The following TPP2 variants were observed in gnomAD, a reference collection of about 807,000 sequenced individuals.
The protein encoded by TPP2 is tripeptidyl-peptidase 2.
A neutral mutation model predicts 155.9 loss-of-function variants in TPP2; 34 were observed. That is an observed-to-expected ratio of 0.22 (90% CI 0.17 to 0.29). The LOEUF (loss-of-function observed/expected upper bound fraction) is 0.29, where lower values mean the gene tolerates loss of function less well. Ranked by LOEUF, TPP2 falls within the 10% of genes least tolerant of loss-of-function variation. TPP2 has a pLI of 1.00. For synonymous variants in TPP2, 510 were observed against 529.4 expected (o/e 0.96, Z 0.50); for missense variants, 1,028 against 1,522.3 (o/e 0.68, Z 5.40).
chr13:102,610,068 G>A (rs1338946807), intron 2 of TPP2, among the ~76,000 whole-genome samples: 1 of 152,090 alleles, frequency 6.6e-6, no homozygotes, highest in African/African-American at 2.4e-5. Context: ...ATGTGCAGGT[G>A]TTTAGATATT....
intron 26 of TPP2, among the ~76,000 whole-genome samples, chr13:102,664,508 A>G (rs1884459843): frequency 6.6e-6 from 1 of 152,146 alleles, no homozygotes; most frequent in African/African-American, 2.4e-5. Context: ...TAAAAAAAAA[A>G]CTTTACATTT....
At chr13:102,614,590 A>G (rs1482660842) in intron 3 of TPP2, among the ~76,000 whole-genome samples, 1 of 152,158 alleles carries the variant, frequency 6.6e-6, no homozygotes, top group Non-Finnish European at 1.5e-5. Flanking sequence ...TTCTGTGATA[A>G]TGTCCCTCCC....
rs143364416 is a variant in TPP2, at chr13:102,614,562, C to T, written c.390+366C>T. Among the ~76,000 whole-genome samples, 75 of 152,254 alleles carry T rather than the reference C, an allele frequency of 4.9e-4. 1 individual carries two copies. The East Asian group carries it at 0.011, about 23-fold the overall frequency. On this transcript the variant is annotated intron_variant, in intron 3 of 29. Coordinates refer to ENST00000376052, the MANE Select transcript of TPP2 (RefSeq NM_001330588.2). ...GGATTCAAAATCCAGACCACCTTTT[C>T]GTTTCTGTTCCTGTAGTTTCTGTGA...
intron 27 of TPP2, among the ~76,000 whole-genome samples, chr13:102,672,243 G>C (rs193176201): frequency 6.6e-6 from 1 of 152,114 alleles, no homozygotes; most frequent in Non-Finnish European, 1.5e-5. Flanking sequence ...AGTGATGCTC[G>C]CATTTATTTA....
rs1272139166 is a variant in TPP2 at position 102,649,166 on chromosome 13, T to G, written c.2873+15T>G. Reference sequence around the variant, plus strand: ...CCTGATGATAAGTAAGTGATAACATTGCTTATACTTACTGCCCATCGTATA... The same window carrying G: ...CCTGATGATAAGTAAGTGATAACATGGCTTATACTTACTGCCCATCGTATA... On this transcript the variant is annotated intron_variant, in intron 22 of 29. Coordinates refer to ENST00000376052, the MANE Select transcript of TPP2 (RefSeq NM_001330588.2). The G allele has an allele frequency of 6.3e-7, 1 of 1,587,038 alleles. No homozygotes were observed. Among genetic ancestry groups the G allele is most frequent in the African/African-American group, 1.4e-5 (1 of 73,960 alleles).
chr13:102,607,760 T>G (rs2139421350), intron 2 of TPP2: 1 of 370,552 alleles, frequency 2.7e-6, no homozygotes, highest in East Asian at 9.5e-5. Flanking sequence ...CTAATTTTTT[T>G]GTGTGTTTTT....
intron 27 of TPP2, among the ~76,000 whole-genome samples, chr13:102,671,528 C>T (rs1485322546): frequency 1.3e-5 from 2 of 152,088 alleles, no homozygotes; most frequent in East Asian, 1.9e-4. Flanking sequence ...TGACCTCAAC[C>T]CTCTTGTAAA....
chr13:102,663,849 A>G, intron 26 of TPP2, 105 bp downstream of exon 26: 1 of 863,134 alleles, frequency 1.2e-6, no homozygotes, highest in Non-Finnish European at 1.7e-6. Flanking sequence ...GCTAACTAAA[A>G]CATGTTTTCT....
intron 29 of TPP2, among the ~76,000 whole-genome samples, chr13:102,677,318 C>T (rs971726741): frequency 1.3e-5 from 2 of 152,070 alleles, no homozygotes; most frequent in Non-Finnish European, 2.9e-5. Context: ...GCCAGTGATC[C>T]CTGCCGACGT....
At chr13:102,644,457 A>G in intron 17 of TPP2, 100 bp from the exon 18 acceptor site, 2 of 1,012,000 alleles carry the variant, frequency 2.0e-6, no homozygotes, top group South Asian at 1.9e-5. Flanking sequence ...ACAAACAGGA[A>G]AAGTTTGAAA....
intron 28 of TPP2, among the ~76,000 whole-genome samples, chr13:102,675,255 G>A (rs1397570673): frequency 1.3e-5 from 2 of 152,170 alleles, no homozygotes; most frequent in African/African-American, 4.8e-5. Context: ...TTCCAACACA[G>A]TACAGTGGTG....
At chr13:102,645,123 A>C (rs1285238407) in intron 19 of TPP2, 114 bp downstream of exon 19, 2 of 966,030 alleles carry the variant, frequency 2.1e-6, no homozygotes, top group African/African-American at 3.3e-5. Flanking sequence ...TAGAGGTGAG[A>C]ATTTTATCCT....
intron 1 of TPP2, 114 bp downstream of exon 1, chr13:102,597,317 C>T: frequency 1.7e-6 from 1 of 596,502 alleles, no homozygotes; most frequent in Non-Finnish European, 2.5e-6. Context: ...CGAGTCCGGG[C>T]CGGGGTGGGC....
chr13:102,637,364 G>A, intron 14 of TPP2, 125 bp downstream of exon 14: 1 of 1,018,710 alleles, frequency 9.8e-7, no homozygotes, highest in Non-Finnish European at 1.4e-6. Context: ...CTATCCATCT[G>A]CCAGGTTATT....
chr13:102,649,017 A>G lies in TPP2; in HGVS notation c.2739A>G (p.Arg913=). ...LKDLPFIVSH[R]LSNTLSLDIH... Reference sequence around the variant, plus strand: ...ACCTTCCATTTATTGTTTCTCATAGATTGTCTAATACCTTGAGCTTAGATA... The same window carrying G: ...ACCTTCCATTTATTGTTTCTCATAGGTTGTCTAATACCTTGAGCTTAGATA... Residue 913 remains arginine (R), a synonymous_variant, in exon 22 of 30, where the codon AGA becomes AGG. Transcript: ENST00000376052. 2 of 1,613,876 alleles carry G rather than the reference A, an allele frequency of 1.2e-6. No individual in the cohort carries two copies. Among genetic ancestry groups the G allele is most frequent in the Non-Finnish European group, 1.7e-6 (2 of 1,179,942 alleles).
At chr13:102,607,072 A>C (rs1244478372) in intron 2 of TPP2, among the ~76,000 whole-genome samples, 2 of 152,162 alleles carry the variant, frequency 1.3e-5, no homozygotes, top group African/African-American at 2.4e-5. Flanking sequence ...ACACAGCAAG[A>C]AGGTGGCCTC....
In TPP2 at chr13:102,644,682, CACA is replaced by C. The variant is rs1882986910; in HGVS notation, c.2292+13_2292+15del. ...CTCCTCAGTTAAACATTGTAAGTTC[CACA>C]ACATTTTCATGATTTTTAATGTCAG... is the stretch of plus-strand genomic sequence containing the variant. On this transcript the variant is annotated intron_variant, in intron 18 of 29. Coordinates refer to ENST00000376052, the MANE Select transcript of TPP2 (RefSeq NM_001330588.2). 1.9e-6 allele frequency: 3 copies of C among 1,582,984 alleles called. No homozygotes were observed. In the East Asian group the frequency reaches 6.7e-5, roughly 35 times the overall value.
chr13:102,648,990 A>C lies in TPP2; in HGVS notation c.2712A>C (p.Lys904Asn). Residue 904 changes from lysine to asparagine, a missense_variant, in exon 22 of 30, where the codon AAA becomes AAC. By Grantham distance (94) the Lys-to-Asn change is moderately conservative. Coordinates refer to ENST00000376052, the MANE Select transcript of TPP2 (RefSeq NM_001330588.2). ...HEQISDLERL[K>N]DLPFIVSHRL... ...AAATCAGTGATTTGGAACGCCTTAA[A>C]GACCTTCCATTTATTGTTTCTCATA... 6.2e-7 allele frequency: 1 copy of C among 1,613,898 alleles called. No homozygotes were observed. The highest frequency in any genetic ancestry group is 8.5e-7 in the Non-Finnish European group (1 of 1,179,918).
At position 102,597,059 on chromosome 13, in the gene TPP2, G is replaced by T; in HGVS notation, c.21G>T (p.Glu7Asp). Residue 7 changes from glutamate to aspartate, a missense_variant, in exon 1 of 30, where the codon GAG (glutamate) becomes GAT (aspartate). Coordinates refer to ENST00000376052, the MANE Select transcript of TPP2 (RefSeq NM_001330588.2). MATAAT[E>D]EPFPFHGLLP... Reference sequence around the variant, plus strand: ...CGTCCATGGCCACCGCTGCGACTGAGGAGCCCTTCCCTTTTCACGGTCTCC... The same window carrying T: ...CGTCCATGGCCACCGCTGCGACTGATGAGCCCTTCCCTTTTCACGGTCTCC... 6.2e-7 allele frequency: 1 copy of T among 1,611,994 alleles called. No homozygotes were observed. The highest frequency in any genetic ancestry group is 8.5e-7 in the Non-Finnish European group (1 of 1,179,512).
Sources: allele counts gnomAD v4.1 joint callset (sites outside exome capture counted in the v4.1 genomes callset), GRCh38; gene constraint gnomAD v4.1.1; transcripts MANE v1.5; gene names NCBI Gene and HGNC (gene_info 2026-07-23, HGNC 2026-07-21).